Variants in SUSD4 observed in about 807,000 individuals in gnomAD.
The protein encoded by SUSD4 is sushi domain-containing protein 4.
SUSD4 carries 41 observed loss-of-function variants against 50.5 expected under a neutral mutation model. The observed-to-expected ratio is 0.81, with a 90% CI of 0.63 to 1.05. SUSD4 has a LOEUF of 1.05. Among genes scored for constraint, SUSD4 ranks in the 50% least tolerant of loss-of-function variants. The pLI is 0.00. For synonymous variants in SUSD4, 257 were observed against 257.3 expected (o/e 1.00, Z 0.01); for missense variants, 580 against 634.7 (o/e 0.91, Z 0.93).
chr1:223,310,267 T>C (rs1041203785), intron 2 of SUSD4, among the ~76,000 whole-genome samples: 6 of 152,136 alleles, frequency 3.9e-5, no homozygotes, highest in Admixed American at 1.3e-4. Context: ...GCTATGACCT[T>C]GGGCTGCAGC....
intron 5 of SUSD4, among the ~76,000 whole-genome samples, chr1:223,237,588 C>CT (rs1193645756): frequency 6.6e-6 from 1 of 151,682 alleles, no homozygotes; most frequent in Non-Finnish European, 1.5e-5. Context: ...TGTCAAATGC[C>CT]TTTTCTGCAT....
At position 223,227,721 on chromosome 1, in the gene SUSD4, T is replaced by C. The variant is rs1481690233; in HGVS notation, c.934A>G (p.Thr312Ala). ...CACGTGGTCAGGAGGGTCTCATGGG[T>C]GCTGGGCCACGTTTGCTCTGCATGA... ...CIKSEQTWPS[T>A]HETLLTTWKI... The change falls in exon 7 of 9, where the codon ACC becomes GCC. Residue 312 changes from threonine (T) to alanine (A), a missense_variant. Thr to Ala is a moderately conservative substitution (Grantham distance 58). Transcript: ENST00000366878. This position sits in a 1 kb window ranked among gnomAD's most constrained non-coding sequence, Gnocchi z 4.5. The C allele has an allele frequency of 6.2e-7, 1 of 1,612,566 alleles. No homozygotes were observed. Among genetic ancestry groups the C allele is most frequent in the South Asian group, 1.1e-5 (1 of 90,630 alleles).
chr1:223,268,042 T>TATATATATATATATATATATATACAC (rs869264392), intron 4 of SUSD4, among the ~76,000 whole-genome samples: 1 of 106,860 alleles, frequency 9.4e-6, no homozygotes, highest in Admixed American at 1.0e-4. Context: ...TATATATATA[T>TATATATATATATATATATATATACAC]ACACACACAC....
chr1:223,263,904 C>A (rs1350760752), intron 5 of SUSD4: 1 of 985,422 alleles, frequency 1.0e-6, no homozygotes, highest in Non-Finnish European at 1.2e-6. Flanking sequence ...CCCATATAGA[C>A]CCCTCCTACC....
intron 2 of SUSD4, among the ~76,000 whole-genome samples, chr1:223,310,878 G>A (rs955865073): frequency 1.3e-5 from 2 of 152,204 alleles, no homozygotes; most frequent in African/African-American, 4.8e-5. Flanking sequence ...GTGGCACAGA[G>A]GACTAGCTGT....
chr1:223,249,144 G>A lies in SUSD4; in HGVS notation c.724+15486C>T, dbSNP rs112971639. The stretch of plus-strand genomic sequence containing the variant: ...ATCTGTGGCGTCAGAGTGTTTTGAC[G>A]TCTGTGAACATTTTCCAATACATGA... On this transcript the variant is annotated intron_variant, in intron 5 of 8. Transcript: ENST00000366878. 6.9e-3 allele frequency among the ~76,000 whole-genome samples: 1,050 copies of A among 152,254 alleles called. 12 individuals carry two copies. The highest frequency in any genetic ancestry group is 0.024 in the African/African-American group (990 of 41,526).
chr1:223,240,880 A>G (rs1398648126), intron 5 of SUSD4, among the ~76,000 whole-genome samples: 3 of 152,206 alleles, frequency 2.0e-5, no homozygotes, highest in Non-Finnish European at 4.4e-5. Flanking sequence ...AAGGTGTACC[A>G]GGTAAAGGGA....
chr1:223,281,648 C>T (rs1449036914), intron 3 of SUSD4, among the ~76,000 whole-genome samples: 3 of 152,156 alleles, frequency 2.0e-5, no homozygotes, highest in Non-Finnish European at 4.4e-5. Context: ...CAGCCGAATT[C>T]TACTAGAGGT....
chr1:223,256,691 A>G (rs1252681195), intron 5 of SUSD4, among the ~76,000 whole-genome samples: 2 of 152,220 alleles, frequency 1.3e-5, no homozygotes, highest in East Asian at 3.9e-4. Flanking sequence ...TAAGAGCAGA[A>G]TCAAAGAATC....
At chr1:223,323,643 T>C (rs139592597) in intron 2 of SUSD4, among the ~76,000 whole-genome samples, 1 of 151,960 alleles carries the variant, frequency 6.6e-6, no homozygotes, top group African/African-American at 2.4e-5. Context: ...ACTCAGAGGG[T>C]AGAGACCAGT....
At chr1:223,353,978 C>CCGAGAT (rs1359210336) in intron 2 of SUSD4, among the ~76,000 whole-genome samples, 4 of 151,854 alleles carry the variant, frequency 2.6e-5, no homozygotes, top group African/African-American at 9.7e-5. Flanking sequence ...CTGCAGCGAG[C>CCGAGAT]CGAGATCGTG....
chr1:223,228,103 G>A (rs1659644916), intron 6 of SUSD4, among the ~76,000 whole-genome samples: 1 of 152,210 alleles, frequency 6.6e-6, no homozygotes, highest in Admixed American at 6.5e-5. Context: ...GGGTGGGGGA[G>A]TGGGAAGCTG....
intron 7 of SUSD4, among the ~76,000 whole-genome samples, chr1:223,224,826 G>C (rs1320975640): frequency 1.3e-5 from 2 of 151,266 alleles, no homozygotes; most frequent in Non-Finnish European, 2.9e-5. Context: ...GGAACCCAGG[G>C]TGGCTAATAA....
chr1:223,306,951 GTT>G (rs11379914), intron 2 of SUSD4, among the ~76,000 whole-genome samples: 2 of 144,420 alleles, frequency 1.4e-5, no homozygotes, highest in South Asian at 2.2e-4. Context: ...ATATGGATGA[GTT>G]TTTTTTTTTG....
chr1:223,288,041 A>G (rs1246705292), intron 3 of SUSD4, among the ~76,000 whole-genome samples: 3 of 152,188 alleles, frequency 2.0e-5, no homozygotes, highest in Admixed American at 2.0e-4. Context: ...CAGGTGCTGA[A>G]GCTCCTGCTA....
intron 5 of SUSD4, among the ~76,000 whole-genome samples, chr1:223,250,720 A>G (rs1168202533): frequency 6.6e-6 from 1 of 152,190 alleles, no homozygotes; most frequent in Non-Finnish European, 1.5e-5. Context: ...AGGCCTCCAG[A>G]GCTAGAGGAA....
intron 2 of SUSD4, among the ~76,000 whole-genome samples, chr1:223,309,041 T>G (rs1665719234): frequency 6.6e-6 from 1 of 152,150 alleles, no homozygotes; most frequent in Non-Finnish European, 1.5e-5. Context: ...ACTATAAAAA[T>G]TTGGGGAAAC....
Position 223,227,518 on chromosome 1 carries a change from A to C in SUSD4, c.1061+76T>G, listed in dbSNP as rs1659596775. 4 of 1,548,102 alleles carry C rather than the reference A, an allele frequency of 2.6e-6. No individual in the cohort carries two copies. In the South Asian group the frequency reaches 3.6e-5, roughly 14 times the overall value. On this transcript the variant is annotated intron_variant, in intron 7 of 8. Transcript: ENST00000366878. The surrounding 1 kb of genome is among the most constrained non-coding windows in gnomAD (Gnocchi z 4.5). ...TTAGAGCTTCAACTTTTCACTCATC[A>C]CTTTCTCCCTCTGCTGCTAAGGGTA...
chr1:223,260,334 C>G (rs1464509986), intron 5 of SUSD4, among the ~76,000 whole-genome samples: 1 of 152,212 alleles, frequency 6.6e-6, no homozygotes, highest in African/African-American at 2.4e-5. Flanking sequence ...AGCAGGTGTT[C>G]AATAGTCACT....
Sources: gnomAD v4.1 joint callset for allele counts (sites outside exome capture counted in the v4.1 genomes callset) on GRCh38, gnomAD v4.1.1 for gene constraint, Gnocchi (gnomAD v3.1) non-coding constraint, MANE v1.5 for transcripts, NCBI Gene and HGNC (gene_info 2026-07-23, HGNC 2026-07-21) for gene names.